DNAH17: variants seen among roughly 807,000 people sequenced by gnomAD.
DNAH17 encodes the protein axonemal beta dynein heavy chain 17.
Under a neutral mutation model 485.6 loss-of-function variants are expected in DNAH17, and 376 were observed. The observed-to-expected ratio is 0.77, with a 90% CI of 0.71 to 0.84. The LOEUF (loss-of-function observed/expected upper bound fraction) is 0.84, where lower values mean the gene tolerates loss of function less well. Among genes scored for constraint, DNAH17 ranks in the 40% least tolerant of loss-of-function variants. The probability of loss-of-function intolerance (pLI) is 0.00; values close to 1 mark genes in which losing one functional copy is unlikely to be tolerated. For missense variants in DNAH17, 6,370 were observed against 5,839.3 expected (o/e 1.09, Z -2.96); for synonymous variants, 3,031 against 2,405.9 (o/e 1.26, Z -7.60).
rs773351881 is a variant in DNAH17 at position 78,468,702 on chromosome 17, C to G, written c.8693G>C (p.Arg2898Pro). The change falls in exon 55 of 81, where the codon CGA becomes CCA. Residue 2898 changes from arginine to proline, a missense_variant. Arg to Pro is a moderately radical substitution (Grantham distance 103, BLOSUM62 -2). Coordinates refer to ENST00000389840, the MANE Select transcript of DNAH17 (RefSeq NM_173628.4). ...DEVENIISSM[R>P]PQVKSLGMND... ...CATGCCAAGGGACTTGACTTGGGGTCGCATGGAGGAGATGATGTTCTCCAC... is the reference window on the plus strand; with the variant it reads ...CATGCCAAGGGACTTGACTTGGGGTGGCATGGAGGAGATGATGTTCTCCAC... The G allele has an allele frequency of 1.2e-6, 2 of 1,614,018 alleles. No individual in the cohort carries two copies. The highest frequency in any genetic ancestry group is 1.7e-6 in the Non-Finnish European group (2 of 1,179,896).
At chr17:78,460,321 C>CGTGCATGTGTGTGTATGTGT (rs2088041280) in intron 58 of DNAH17, 64 bp from the exon 59 acceptor site, 3 of 872,438 alleles carry the variant, frequency 3.4e-6, no homozygotes, top group Admixed American at 2.5e-5. Flanking sequence ...GGGGCGTGTA[C>CGTGCATGTGTGTGTATGTGT]GTGCATGTGT....
Position 78,466,685 on chromosome 17 carries a change from G to A in DNAH17, c.8910C>T (p.Ala2970=), listed in dbSNP as rs375852871. 1 of 1,611,972 alleles carries A rather than the reference G, an allele frequency of 6.2e-7. No individual in the cohort carries two copies. ...TCCCCTCAGTCTCCTCCAGGAAGCG[G>A]GCGCTGACGGACACCAGCGCATCTT... ...WPEDALVSVS[A]RFLEETEGIP... The change falls in exon 56 of 81, where the codon GCC becomes GCT. Residue 2970 remains alanine, a synonymous_variant. Coordinates refer to ENST00000389840, the MANE Select transcript of DNAH17 (RefSeq NM_173628.4).
chr17:78,539,830 A>G lies in DNAH17; in HGVS notation c.2583T>C (p.Asp861=), dbSNP rs1455448502. ...CCATGTCGTCAATGTAGATGACATA[A>G]TCCTTCCAGGGCAGGCTCAGTGTGT... ...RADTLSLPWK[D]YVIYIDDMVL... The change falls in exon 18 of 81, where the codon GAT becomes GAC. Residue 861 remains aspartate (D), a synonymous_variant. Transcript: ENST00000389840. 4.3e-6 allele frequency: 7 copies of G among 1,611,646 alleles called. No individual in the cohort carries two copies. Among genetic ancestry groups the G allele is most frequent in the South Asian group, 1.1e-5 (1 of 90,740 alleles).
chr17:78,557,773 G>A (rs539380494), intron 14 of DNAH17, among the ~76,000 whole-genome samples: 18 of 150,518 alleles, frequency 1.2e-4, no homozygotes, highest in African/African-American at 3.2e-4. Flanking sequence ...CTTGAACCAT[G>A]TCTAAATATT....
intron 20 of DNAH17, among the ~76,000 whole-genome samples, chr17:78,530,860 G>A (rs1023644836): frequency 2.6e-5 from 4 of 152,156 alleles, no homozygotes; most frequent in African/African-American, 7.2e-5. Context: ...TCTACCTGAG[G>A]CCTCTGTCAC....
intron 72 of DNAH17, among the ~76,000 whole-genome samples, 154 bp downstream of exon 72, chr17:78,440,897 T>G (rs2087048624): frequency 6.6e-6 from 1 of 152,236 alleles, no homozygotes; most frequent in East Asian, 1.9e-4. Context: ...ACTCGTGTTA[T>G]TTTCCTGTTC....
Position 78,539,863 on chromosome 17 carries a change from G to C in DNAH17, c.2550C>G (p.Phe850Leu), listed in dbSNP as rs768339365. The change falls in exon 18 of 81, where the codon TTC becomes TTG. Residue 850 changes from phenylalanine (F) to leucine (L), a missense_variant. Transcript: ENST00000389840. ...AGGGCAGGCTCAGTGTGTCTGCCCT[G>C]AATAGTTCTGCGTTTTCCTGCAAAC... ...QAMVAENAELFRADTLSLPWK... is the reference protein window; with the variant it reads ...QAMVAENAELLRADTLSLPWK... 1.3e-5 allele frequency: 21 copies of C among 1,596,350 alleles called. No individual in the cohort carries two copies. Among genetic ancestry groups the C allele is most frequent in the Non-Finnish European group, 1.7e-5 (20 of 1,174,684 alleles).
chr17:78,431,352 CT>C (rs1377834297), intron 75 of DNAH17, among the ~76,000 whole-genome samples: 2 of 152,236 alleles, frequency 1.3e-5, no homozygotes, highest in East Asian at 1.9e-4. Context: ...ACCTGTGCCC[CT>C]CTCCCCCTCC....
chr17:78,475,251 G>A, intron 54 of DNAH17, 27 bp downstream of exon 54: 2 of 1,608,946 alleles, frequency 1.2e-6, no homozygotes, highest in Non-Finnish European at 1.7e-6. Flanking sequence ...ACCCTGAAAG[G>A]CAGCCTATTG....
rs578073523 is a variant in DNAH17, at chr17:78,473,199, T to C, written c.8511+2079A>G. ...TCCCCCAATACAATTCAGGAACTTATAGCCCTGTTTACCTCTGCCCTTAGT... is the reference window on the plus strand; with the variant it reads ...TCCCCCAATACAATTCAGGAACTTACAGCCCTGTTTACCTCTGCCCTTAGT... On this transcript the variant is annotated intron_variant, in intron 54 of 80. Transcript: ENST00000389840. Among the ~76,000 whole-genome samples, 51 of 152,314 alleles carry C rather than the reference T, an allele frequency of 3.3e-4. No homozygotes were observed. The South Asian group carries it at 0.01, about 30-fold the overall frequency.
At chr17:78,484,498 G>A (rs1349490116) in intron 48 of DNAH17, among the ~76,000 whole-genome samples, 1 of 152,116 alleles carries the variant, frequency 6.6e-6, no homozygotes, top group Non-Finnish European at 1.5e-5. Flanking sequence ...TTTCCTCAGG[G>A]CTCTTCCTTT....
intron 63 of DNAH17, among the ~76,000 whole-genome samples, chr17:78,455,242 G>A (rs762166227): frequency 2.0e-5 from 3 of 151,844 alleles, no homozygotes; most frequent in Non-Finnish European, 4.4e-5. Context: ...AAAGGGGCCT[G>A]AGCCTCATCA....
At chr17:78,434,808 T>A (rs1383001985) in intron 74 of DNAH17, among the ~76,000 whole-genome samples, 1 of 152,218 alleles carries the variant, frequency 6.6e-6, no homozygotes. Flanking sequence ...TAGTGACTCC[T>A]GAACACACAG....
At chr17:78,447,576 A>AC (rs1250964610) in intron 69 of DNAH17, among the ~76,000 whole-genome samples, 1 of 151,908 alleles carries the variant, frequency 6.6e-6, no homozygotes, top group Non-Finnish European at 1.5e-5. Context: ...CCTGAGCTGG[A>AC]CTCTTTCTTT....
rs560527159 is a variant in DNAH17, at chr17:78,547,810, G to A, written c.2391+3725C>T. 9.2e-5 allele frequency among the ~76,000 whole-genome samples: 14 copies of A among 152,208 alleles called. No homozygotes were observed. The East Asian group carries it at 1.7e-3, about 19-fold the overall frequency. On this transcript the variant is annotated intron_variant, in intron 16 of 80. Transcript: ENST00000389840. ...TTTTTGTATTTTTAGTAGAGACAGG[G>A]TTTCGCCATGTGGGCCAGGCTGGTC... is the stretch of plus-strand genomic sequence containing the variant.
chr17:78,485,274 G>T, intron 47 of DNAH17: 1 of 628,804 alleles, frequency 1.6e-6, no homozygotes, highest in Non-Finnish European at 2.7e-6. Flanking sequence ...CCTTTGGGTC[G>T]CCTTAGATTG....
intron 51 of DNAH17, among the ~76,000 whole-genome samples, chr17:78,478,618 C>CT: frequency 7.9e-6 from 1 of 126,236 alleles, no homozygotes; most frequent in East Asian, 2.1e-4. Flanking sequence ...CCGTCATCAC[C>CT]CCCATTATTA....
intron 3 of DNAH17, among the ~76,000 whole-genome samples, chr17:78,572,013 C>T (rs2092365643): frequency 6.6e-6 from 1 of 152,182 alleles, no homozygotes; most frequent in Non-Finnish European, 1.5e-5. Context: ...ATACCAGGGC[C>T]TGGAGGCGCT....
At chr17:78,501,653 G>T (rs2090294895) in intron 34 of DNAH17, 89 bp downstream of exon 34, 3 of 1,506,170 alleles carry the variant, frequency 2.0e-6, no homozygotes, top group South Asian at 2.5e-5. Flanking sequence ...GGAAGAGGAA[G>T]TGGCAGGGTC....
Sources: allele counts gnomAD v4.1 joint callset (sites outside exome capture counted in the v4.1 genomes callset), GRCh38; gene constraint gnomAD v4.1.1; transcripts MANE v1.5; gene names NCBI Gene and HGNC (gene_info 2026-07-23, HGNC 2026-07-21).